The following NKAIN3 variants were observed in gnomAD, a reference collection of about 807,000 sequenced individuals.
The protein encoded by NKAIN3 is sodium/potassium transporting ATPase interacting 3, also known as sodium/potassium-transporting ATPase subunit beta-1-interacting protein 3.
Under a neutral mutation model 30.2 loss-of-function variants are expected in NKAIN3, and 25 were observed. That is an observed-to-expected ratio of 0.83 (90% CI 0.60 to 1.16). NKAIN3 has a LOEUF of 1.16. Among genes scored for constraint, NKAIN3 ranks in the 50% most tolerant of loss-of-function variants. The probability of loss-of-function intolerance (pLI) is 0.00; values close to 1 mark genes in which losing one functional copy is unlikely to be tolerated. For missense variants in NKAIN3, 225 were observed against 254.1 expected (o/e 0.89, Z 0.78); for synonymous variants, 91 against 89.6 (o/e 1.02, Z -0.09).
intron 1 of NKAIN3, among the ~76,000 whole-genome samples, chr8:62,458,258 T>G (rs1447080814): frequency 2.0e-5 from 3 of 152,174 alleles, no homozygotes; most frequent in Non-Finnish European, 4.4e-5. Flanking sequence ...CTACAAAAAT[T>G]TATTTGCCAA....
chr8:62,731,589 G>T (rs1815467333), intron 3 of NKAIN3, among the ~76,000 whole-genome samples: 1 of 152,100 alleles, frequency 6.6e-6, no homozygotes, highest in African/African-American at 2.4e-5. Flanking sequence ...GTCTCCGGGG[G>T]AACCCTTCCT....
chr8:62,640,773 A>G (rs1197905752), intron 3 of NKAIN3, among the ~76,000 whole-genome samples: 1 of 152,094 alleles, frequency 6.6e-6, no homozygotes, highest in African/African-American at 2.4e-5. Context: ...AGGTGGGTCT[A>G]AATTCTCCAT....
intron 4 of NKAIN3, among the ~76,000 whole-genome samples, chr8:62,886,163 T>C (rs1264677688): frequency 6.6e-6 from 1 of 150,752 alleles, no homozygotes; most frequent in African/African-American, 2.4e-5. Flanking sequence ...TTCTTTAACT[T>C]TTTTTTTTAG....
chr8:62,494,953 A>G lies in NKAIN3; in HGVS notation c.55-84586A>G, dbSNP rs114233594. Among the ~76,000 whole-genome samples, 538 of 152,232 alleles carry G rather than the reference A, an allele frequency of 3.5e-3. 4 individuals carry two copies. The highest frequency in any genetic ancestry group is 0.012 in the African/African-American group (510 of 41,552). On this transcript the variant is annotated intron_variant, in intron 1 of 6. Coordinates refer to ENST00000623646, the MANE Select transcript of NKAIN3 (RefSeq NM_001304533.3). ...TATCAATCTTATTAGCTTTTTCAAA[A>G]AAATGACTCCTGGATTTGCTGATCT...
chr8:62,524,127 C>T (rs772213721), intron 1 of NKAIN3, among the ~76,000 whole-genome samples: 8 of 151,560 alleles, frequency 5.3e-5, no homozygotes, highest in Non-Finnish European at 8.8e-5. Flanking sequence ...TTGATAAAAC[C>T]ACTACTCTAG....
At chr8:62,519,852 A>G (rs984413317) in intron 1 of NKAIN3, among the ~76,000 whole-genome samples, 4 of 152,196 alleles carry the variant, frequency 2.6e-5, no homozygotes, top group Non-Finnish European at 5.9e-5. Flanking sequence ...GACTCAAGCC[A>G]TATCTCACAC....
intron 4 of NKAIN3, among the ~76,000 whole-genome samples, chr8:62,790,429 CTCT>C (rs1563562928): frequency 6.6e-6 from 1 of 151,990 alleles, no homozygotes; most frequent in Non-Finnish European, 1.5e-5. Context: ...TCTTATCATC[CTCT>C]TATTTTAAAA....
chr8:62,898,415 A>C (rs1821503158), intron 4 of NKAIN3, among the ~76,000 whole-genome samples: 1 of 152,156 alleles, frequency 6.6e-6, no homozygotes, highest in South Asian at 2.1e-4. Context: ...CTTCTGCAGC[A>C]ACTTGGATGG....
At chr8:62,918,549 T>C in intron 5 of NKAIN3, 36 bp downstream of exon 5, 1 of 1,379,410 alleles carries the variant, frequency 7.2e-7, no homozygotes, top group Non-Finnish European at 1.0e-6. Context: ...TGGGTTCCTT[T>C]TGAATGAGAT....
intron 5 of NKAIN3, among the ~76,000 whole-genome samples, chr8:62,945,908 G>A (rs2130888393): frequency 6.6e-6 from 1 of 152,262 alleles, no homozygotes; most frequent in South Asian, 2.1e-4. Flanking sequence ...AGACTGAGGG[G>A]GACAGGACAG....
rs1818345449 is a variant in NKAIN3, at chr8:62,807,725, G to T, written c.471+60596G>T. ...ATGCCACCACACTCAGCTAATTTTTGTATTTTTGGTAGTGATGGGGTTTCA... is the reference window on the plus strand; with the variant it reads ...ATGCCACCACACTCAGCTAATTTTTTTATTTTTGGTAGTGATGGGGTTTCA... On this transcript the variant is annotated intron_variant, in intron 4 of 6. Transcript: ENST00000623646. 2.0e-5 allele frequency among the ~76,000 whole-genome samples: 3 copies of T among 149,388 alleles called. No individual in the cohort carries two copies. In the South Asian group the frequency reaches 6.3e-4, roughly 31 times the overall value.
intron 4 of NKAIN3, among the ~76,000 whole-genome samples, chr8:62,853,586 A>C (rs1039686279): frequency 2.6e-5 from 4 of 151,904 alleles, no homozygotes; most frequent in African/African-American, 9.7e-5. Flanking sequence ...GTTTATTTGA[A>C]TCTTCTCTAT....
rs1031910360 is a variant in NKAIN3, at chr8:62,981,723, T to A, written c.*16316T>A. On this transcript the variant is annotated 3_prime_UTR_variant, in exon 7 of 7. Transcript: ENST00000623646. ...CAAGAACTCTGCTGTGTGGCAACCT[T>A]ATGTATCCACAACAGAACTAAGGAC... 154 of 149,266 alleles carry A rather than the reference T, an allele frequency of 1.0e-3. 2 individuals are homozygous for A. The highest frequency in any genetic ancestry group is 3.5e-3 in the Middle Eastern group (1 of 286). The allele number at this position is 149,266 out of a possible 1,614,324, so 9.2% of individuals were successfully genotyped here.
At chr8:62,589,617 A>T (rs1810587560) in intron 2 of NKAIN3, 97 bp from the exon 3 acceptor site, 4 of 560,864 alleles carry the variant, frequency 7.1e-6, no homozygotes, top group Middle Eastern at 5.9e-4. Flanking sequence ...TTCCCAGAAG[A>T]CAGACTTATT....
chr8:62,871,352 G>A (rs1440919866), intron 4 of NKAIN3, among the ~76,000 whole-genome samples: 3 of 149,222 alleles, frequency 2.0e-5, no homozygotes, highest in East Asian at 4.0e-4. Context: ...GCAGTTGGCC[G>A]AGATCTTGCC....
chr8:62,500,496 AGAAAGAAAGAAG>A, intron 1 of NKAIN3, among the ~76,000 whole-genome samples: 1 of 144,964 alleles, frequency 6.9e-6, no homozygotes, highest in African/African-American at 2.6e-5. Flanking sequence ...AAGAAAAGAA[AGAAAGAAAGAAG>A]GAAAGAAAGA....
rs192892652 is a variant in NKAIN3 at position 62,677,238 on chromosome 8, T to G, written c.274-69694T>G. Among the ~76,000 whole-genome samples, 64 of 152,162 alleles carry G rather than the reference T, an allele frequency of 4.2e-4. No homozygotes were observed. The East Asian group carries it at 0.01, about 24-fold the overall frequency. Reference sequence around the variant, plus strand: ...GAGATCTGAGCGGTGATATATCAGGTTGGCAAAAACAACAATTACTTTTGT... The same window carrying G: ...GAGATCTGAGCGGTGATATATCAGGGTGGCAAAAACAACAATTACTTTTGT... On this transcript the variant is annotated intron_variant, in intron 3 of 6. Transcript: ENST00000623646.
chr8:62,601,920 C>A (rs1351943198), intron 3 of NKAIN3, among the ~76,000 whole-genome samples: 1 of 151,946 alleles, frequency 6.6e-6, no homozygotes, highest in Non-Finnish European at 1.5e-5. Flanking sequence ...TCCTCAGTTT[C>A]TTTTTTATAG....
At chr8:62,851,991 C>T (rs926576593) in intron 4 of NKAIN3, among the ~76,000 whole-genome samples, 5 of 151,706 alleles carry the variant, frequency 3.3e-5, no homozygotes, top group Non-Finnish European at 5.9e-5. Context: ...AGGGAGGATT[C>T]CCTCTTTTTC....
Sources: allele counts gnomAD v4.1 joint callset (sites outside exome capture counted in the v4.1 genomes callset), GRCh38; gene constraint gnomAD v4.1.1; transcripts MANE v1.5; gene names NCBI Gene and HGNC (gene_info 2026-07-23, HGNC 2026-07-21).